MAP7: variants seen among roughly 807,000 people sequenced by gnomAD.
MAP7 encodes ensconsin.
A neutral mutation model predicts 94.8 loss-of-function variants in MAP7; 52 were observed. That is an observed-to-expected ratio of 0.55 (90% CI 0.44 to 0.69). The LOEUF is 0.69. Among genes scored for constraint, MAP7 ranks in the 30% least tolerant of loss-of-function variants. MAP7 has a pLI of 0.00. For missense variants in MAP7, 940 were observed against 964.6 expected (o/e 0.97, Z 0.34); for synonymous variants, 350 against 357.0 (o/e 0.98, Z 0.22).
chr6:136,362,259 T>C (rs1014970601), intron 11 of MAP7, among the ~76,000 whole-genome samples, 191 bp downstream of exon 11: 1 of 151,646 alleles, frequency 6.6e-6, no homozygotes, highest in East Asian at 1.9e-4. Flanking sequence ...CATTTCTATT[T>C]AAAAAAAAGA....
chr6:136,500,838 G>T (rs1819631087), intron 1 of MAP7, among the ~76,000 whole-genome samples: 1 of 152,112 alleles, frequency 6.6e-6, no homozygotes, highest in South Asian at 2.1e-4. Flanking sequence ...AAATATTTTT[G>T]TCACTGTCAG....
intron 2 of MAP7, among the ~76,000 whole-genome samples, chr6:136,419,679 TG>T (rs1790635517): frequency 6.6e-6 from 1 of 152,176 alleles, no homozygotes; most frequent in Non-Finnish European, 1.5e-5. Flanking sequence ...TTCAGGTGAG[TG>T]TATCACATGT....
At chr6:136,349,079 C>T (rs1788444590) in intron 16 of MAP7, among the ~76,000 whole-genome samples, 1 of 152,146 alleles carries the variant, frequency 6.6e-6, no homozygotes, top group African/African-American at 2.4e-5. Flanking sequence ...TCACCCCTGT[C>T]CTCCCCGACT....
At chr6:136,481,643 G>A (rs980249188) in intron 1 of MAP7, among the ~76,000 whole-genome samples, 1 of 152,134 alleles carries the variant, frequency 6.6e-6, no homozygotes, top group South Asian at 2.1e-4. Flanking sequence ...GGGGATGGAG[G>A]GAGTAGGGAT....
At chr6:136,462,760 GA>G (rs1805657648) in intron 1 of MAP7, among the ~76,000 whole-genome samples, 1 of 151,974 alleles carries the variant, frequency 6.6e-6, no homozygotes, top group African/African-American at 2.4e-5. Context: ...TCAGGAGTGT[GA>G]GACAAGCCTG....
chr6:136,547,526 A>G (rs1829823715), intron 1 of MAP7, among the ~76,000 whole-genome samples: 1 of 152,194 alleles, frequency 6.6e-6, no homozygotes, highest in Non-Finnish European at 1.5e-5. Context: ...AGGCTGAAAA[A>G]GGACTTGACA....
chr6:136,379,236 C>T (rs961205353), intron 6 of MAP7, among the ~76,000 whole-genome samples: 74 of 152,260 alleles, frequency 4.9e-4, no homozygotes, highest in African/African-American at 1.6e-3. Flanking sequence ...AAAATAGTTG[C>T]TTCCATTTGG....
intron 2 of MAP7, among the ~76,000 whole-genome samples, chr6:136,421,318 A>T (rs549102926): frequency 6.6e-6 from 1 of 152,396 alleles, no homozygotes; most frequent in East Asian, 1.9e-4. Context: ...TGTTGGACAT[A>T]CAGGTATAAA....
At chr6:136,492,836 G>C (rs1456639599) in intron 1 of MAP7, among the ~76,000 whole-genome samples, 1 of 152,076 alleles carries the variant, frequency 6.6e-6, no homozygotes, top group African/African-American at 2.4e-5. Flanking sequence ...AAGCCTGTTA[G>C]AGTATTATTA....
rs542864730 is a variant in MAP7 at position 136,445,081 on chromosome 6, G to A, written c.68-23282C>T. Among the ~76,000 whole-genome samples, 29 of 152,256 alleles carry A rather than the reference G, an allele frequency of 1.9e-4. No homozygotes were observed. The South Asian group carries it at 2.7e-3, about 14-fold the overall frequency. The stretch of plus-strand genomic sequence containing the variant: ...TGATTCCACTACTGACAATGAAGGC[G>A]TTAAGGACGATCCACCCCACATTAT... On this transcript the variant is annotated intron_variant, in intron 1 of 17. Coordinates refer to ENST00000354570, the MANE Select transcript of MAP7 (RefSeq NM_003980.6).
intron 8 of MAP7, among the ~76,000 whole-genome samples, chr6:136,369,011 A>G (rs1246134365): frequency 2.6e-5 from 4 of 152,246 alleles, no homozygotes; most frequent in Non-Finnish European, 5.9e-5. Context: ...ACAACATATT[A>G]CAGGTTGAGT....
chr6:136,466,884 G>A, intron 1 of MAP7: 1 of 1,522,706 alleles, frequency 6.6e-7, no homozygotes, highest in Non-Finnish European at 8.8e-7. Flanking sequence ...TCAGTGAAGG[G>A]GCCGTTTAAT....
At chr6:136,428,523 GAATA>G (rs373164215) in intron 1 of MAP7, among the ~76,000 whole-genome samples, 6 of 151,490 alleles carry the variant, frequency 4.0e-5, no homozygotes, top group African/African-American at 7.3e-5. Context: ...CTGTCTCAAA[GAATA>G]AATAAATAAA....
chr6:136,389,383 T>G lies in MAP7; in HGVS notation c.379A>C (p.Lys127Gln). ...TCCTCCTCAAGTCTCTGCCTCCGCT[T>G]CTCCTCCACAGCAGCCCTCCTCCGC... ...EERRRAAVEE[K>Q]RRQRLEEDKE... Residue 127 changes from lysine (K) to glutamine (Q), a missense_variant, in exon 4 of 18, where the codon AAG becomes CAG. Coordinates refer to ENST00000354570, the MANE Select transcript of MAP7 (RefSeq NM_003980.6). The G allele has an allele frequency of 6.4e-7, 1 of 1,563,132 alleles. No homozygotes were observed. The highest frequency in any genetic ancestry group is 8.6e-7 in the Non-Finnish European group (1 of 1,160,592).
At position 136,344,136 on chromosome 6, in the gene MAP7, G is replaced by T; in HGVS notation, c.*92C>A. ...GATGGTCAAGAACTCTAGAAAACGG[G>T]TGGAGGGGATGCTCCTTTATAGCAG... On this transcript the variant is annotated 3_prime_UTR_variant, in exon 18 of 18. Coordinates refer to ENST00000354570, the MANE Select transcript of MAP7 (RefSeq NM_003980.6). 1.9e-6 allele frequency: 1 copy of T among 540,216 alleles called. No homozygotes were observed. Among genetic ancestry groups the T allele is most frequent in the South Asian group, 6.0e-5 (1 of 16,642 alleles). The allele number at this position is 540,216 out of a possible 1,614,324, so 33.5% of individuals were successfully genotyped here.
chr6:136,369,141 A>G (rs912656645), intron 8 of MAP7, among the ~76,000 whole-genome samples: 4 of 152,260 alleles, frequency 2.6e-5, no homozygotes, highest in South Asian at 2.1e-4. Flanking sequence ...AAATGCTCCA[A>G]TGAGCATCTC....
rs114621045 is a variant in MAP7 at position 136,503,293 on chromosome 6, T to A, written c.67+47049A>T. Among the ~76,000 whole-genome samples, 449 of 150,658 alleles carry A rather than the reference T, an allele frequency of 3.0e-3. 3 individuals are homozygous for A. The highest frequency in any genetic ancestry group is 0.011 in the African/African-American group (432 of 40,938). On this transcript the variant is annotated intron_variant, in intron 1 of 17. Coordinates refer to ENST00000354570, the MANE Select transcript of MAP7 (RefSeq NM_003980.6). ...CCCACCTAATAGTATTGATGCTGAA[T>A]GACCAAAAGGAAGTGAAGCAAGAAG...
intron 1 of MAP7, among the ~76,000 whole-genome samples, chr6:136,466,346 TA>T (rs1807044013): frequency 6.6e-6 from 1 of 152,172 alleles, no homozygotes; most frequent in African/African-American, 2.4e-5. Context: ...AAATTATCAG[TA>T]AATTATATAC....
intron 1 of MAP7, among the ~76,000 whole-genome samples, chr6:136,483,581 G>A (rs1188559028): frequency 6.6e-6 from 1 of 151,720 alleles, no homozygotes; most frequent in African/African-American, 2.4e-5. Flanking sequence ...ATTATTGATA[G>A]TTAAAAAAAA....
Sources: gnomAD v4.1 joint callset for allele counts (sites outside exome capture counted in the v4.1 genomes callset) on GRCh38, gnomAD v4.1.1 for gene constraint, MANE v1.5 for transcripts, NCBI Gene and HGNC (gene_info 2026-07-23, HGNC 2026-07-21) for gene names.